Variants in TNFAIP8 observed in about 807,000 individuals in gnomAD.
TNFAIP8 encodes the protein TNF alpha induced protein 8, also known as tumor necrosis factor alpha-induced protein 8.
In TNFAIP8, 7 loss-of-function variants were observed where a neutral mutation model predicts 13.3. The observed-to-expected ratio is 0.52, with a 90% CI of 0.30 to 0.99. The LOEUF (loss-of-function observed/expected upper bound fraction) is 0.99, where lower values mean the gene tolerates loss of function less well. Among genes scored for constraint, TNFAIP8 ranks in the 50% least tolerant of loss-of-function variants. TNFAIP8 has a pLI of 0.07. For synonymous variants in TNFAIP8, 94 were observed against 87.6 expected (o/e 1.07, Z -0.41); for missense variants, 258 against 236.9 (o/e 1.09, Z -0.58).
intron 1 of TNFAIP8, among the ~76,000 whole-genome samples, chr5:119,295,536 T>C (rs578141276): frequency 6.6e-6 from 1 of 152,238 alleles, no homozygotes; most frequent in South Asian, 2.1e-4. Context: ...ACTGTAGCCT[T>C]GTAGTATAGT....
chr5:119,369,004 G>A lies in TNFAIP8; in HGVS notation c.31+12883G>A, dbSNP rs114231689. On this transcript the variant is annotated intron_variant, in intron 1 of 1. Transcript: ENST00000504771. The stretch of plus-strand genomic sequence containing the variant: ...ACCTGTTCAAATAGGATGCTTTTAG[G>A]GAAAAAAAGGGAACTGTTAACATAA... Among the ~76,000 whole-genome samples the A allele has an allele frequency of 3.0e-3, 449 of 150,274 alleles. 2 individuals are homozygous for A. Among genetic ancestry groups the A allele is most frequent in the Middle Eastern group, 0.01 (3 of 292 alleles).
intron 1 of TNFAIP8, among the ~76,000 whole-genome samples, chr5:119,318,951 A>C (rs1404010425): frequency 6.6e-6 from 1 of 152,200 alleles, no homozygotes; most frequent in Non-Finnish European, 1.5e-5. Context: ...CTAGAAGAAT[A>C]ACAGCTCATA....
chr5:119,298,557 A>C (rs1366516180), intron 1 of TNFAIP8, among the ~76,000 whole-genome samples: 1 of 150,392 alleles, frequency 6.6e-6, no homozygotes, highest in African/African-American at 2.4e-5. Flanking sequence ...CTTCATTTCA[A>C]CTTTGGTGAA....
At chr5:119,386,130 CTT>C (rs1204949852) in intron 1 of TNFAIP8, among the ~76,000 whole-genome samples, 17 of 151,954 alleles carry the variant, frequency 1.1e-4, no homozygotes, top group African/African-American at 3.9e-4. Context: ...ATACTGCAGT[CTT>C]TTTAAAAAAA....
chr5:119,366,644 T>G (rs1751867919), intron 1 of TNFAIP8, among the ~76,000 whole-genome samples: 1 of 152,122 alleles, frequency 6.6e-6, no homozygotes, highest in South Asian at 2.1e-4. Flanking sequence ...GGGCCAGTGG[T>G]GAGTGGTTTG....
In TNFAIP8 at chr5:119,274,342, T is replaced by C. The variant is rs866468344; in HGVS notation, c.1+5435T>C. Among the ~76,000 whole-genome samples, 25 of 152,386 alleles carry C rather than the reference T, an allele frequency of 1.6e-4. 1 individual carries two copies. The highest frequency in any genetic ancestry group is 5.9e-5 in the Non-Finnish European group (4 of 68,038). On this transcript the variant is annotated intron_variant, in intron 1 of 1. Transcript: ENST00000274456. ...GGTCAGGAAACTACTCTTTTATTTT[T>C]CCTTCTTCACTCTTTAAAGGGTTGA...
rs1477652937 is a variant in TNFAIP8, at chr5:119,324,292, A to G, written c.1+55385A>G. The stretch of plus-strand genomic sequence containing the variant: ...GCCATCTCAAAAAAAAAAAAAAAAA[A>G]AAAAAAAAAAAAAAAAAAAAAAGAA... On this transcript the variant is annotated intron_variant, in intron 1 of 1. Transcript: ENST00000274456. Among the ~76,000 whole-genome samples, 74 of 57,186 alleles carry G rather than the reference A, an allele frequency of 1.3e-3. 4 individuals carry two copies. Among genetic ancestry groups the G allele is most frequent in the East Asian group, 5.4e-3 (10 of 1,846 alleles). The allele number at this position is 57,186 out of a possible 152,430, so 37.5% of individuals were successfully genotyped here.
At chr5:119,315,491 A>G (rs1020554906) in intron 1 of TNFAIP8, among the ~76,000 whole-genome samples, 3 of 152,192 alleles carry the variant, frequency 2.0e-5, no homozygotes, top group African/African-American at 4.8e-5. Flanking sequence ...ACAACAGACA[A>G]TGTGTGTTGG....
At chr5:119,287,761 A>C (rs1748849544) in intron 1 of TNFAIP8, among the ~76,000 whole-genome samples, 1 of 152,186 alleles carries the variant, frequency 6.6e-6, no homozygotes, top group Non-Finnish European at 1.5e-5. Flanking sequence ...TATCATTTTT[A>C]CTTTCACTTA....
intron 1 of TNFAIP8, among the ~76,000 whole-genome samples, chr5:119,378,952 T>TA: frequency 6.6e-6 from 1 of 152,254 alleles, no homozygotes; most frequent in African/African-American, 2.4e-5. Context: ...TAATCCTAGC[T>TA]ACTCAGGAGG....
chr5:119,293,428 G>A (rs759753402), intron 1 of TNFAIP8, among the ~76,000 whole-genome samples: 6 of 151,992 alleles, frequency 3.9e-5, no homozygotes, highest in African/African-American at 4.8e-5. Flanking sequence ...CTACACATAC[G>A]AGTGAGATCA....
intron 1 of TNFAIP8, among the ~76,000 whole-genome samples, chr5:119,338,272 G>A (rs919598613): frequency 1.3e-5 from 2 of 151,642 alleles, no homozygotes; most frequent in Non-Finnish European, 2.9e-5. Flanking sequence ...CAGGCAGGCA[G>A]CCACCCCCAG....
intron 1 of TNFAIP8, among the ~76,000 whole-genome samples, chr5:119,367,432 A>C (rs542803871): frequency 6.6e-6 from 1 of 152,348 alleles, no homozygotes; most frequent in African/African-American, 2.4e-5. Context: ...TGGTAGTGGT[A>C]CTAGAATAGT....
chr5:119,352,016 C>T (rs1202083756), upstream of TNFAIP8, among the ~76,000 whole-genome samples: 1 of 151,998 alleles, frequency 6.6e-6, no homozygotes, highest in Non-Finnish European at 1.5e-5. Context: ...TCTCGAACTC[C>T]TGACCTTGTG....
At chr5:119,297,588 T>G (rs1210974005) in intron 1 of TNFAIP8, among the ~76,000 whole-genome samples, 1 of 152,228 alleles carries the variant, frequency 6.6e-6, no homozygotes, top group Non-Finnish European at 1.5e-5. Context: ...TTCTGTTGAT[T>G]CAGGGTGGAG....
At chr5:119,390,986 T>C (rs1366546368) in intron 1 of TNFAIP8, among the ~76,000 whole-genome samples, 1 of 20,098 alleles carries the variant, frequency 5.0e-5, no homozygotes, top group Non-Finnish European at 1.5e-4. Flanking sequence ...ACCTGGCTAA[T>C]TTTTTTTTTT....
At chr5:119,340,100 C>T (rs1458817027) in intron 1 of TNFAIP8, among the ~76,000 whole-genome samples, 1 of 152,156 alleles carries the variant, frequency 6.6e-6, no homozygotes, top group South Asian at 2.1e-4. Context: ...CAAGAAAACA[C>T]CATCTTGTGG....
intron 1 of TNFAIP8, among the ~76,000 whole-genome samples, chr5:119,320,331 A>G (rs963909720): frequency 1.3e-5 from 2 of 152,138 alleles, no homozygotes; most frequent in Non-Finnish European, 2.9e-5. Context: ...TTGCACATCA[A>G]TTTCTTTCCA....
At chr5:119,273,543 T>C (rs1243867899) in intron 1 of TNFAIP8, among the ~76,000 whole-genome samples, 1 of 152,198 alleles carries the variant, frequency 6.6e-6, no homozygotes, top group Non-Finnish European at 1.5e-5. Context: ...ATTCGAGTTT[T>C]ATGTGCCTGA....
Sources: allele counts gnomAD v4.1 joint callset (sites outside exome capture counted in the v4.1 genomes callset), GRCh38; gene constraint gnomAD v4.1.1; transcripts MANE v1.5; gene names NCBI Gene and HGNC (gene_info 2026-07-23, HGNC 2026-07-21).